CSNK1E: variants seen among roughly 807,000 people sequenced by gnomAD.
CSNK1E encodes casein kinase I isoform epsilon.
In CSNK1E, 17 loss-of-function variants were observed where a neutral mutation model predicts 46.1. The ratio of observed to expected loss-of-function variants is 0.37; its 90% CI spans 0.25 to 0.55. CSNK1E has a LOEUF of 0.55. Among genes scored for constraint, CSNK1E ranks in the 20% least tolerant of loss-of-function variants. CSNK1E has a pLI of 0.82. For synonymous variants in CSNK1E, 241 were observed against 242.6 expected (o/e 0.99, Z 0.06); for missense variants, 386 against 595.4 (o/e 0.65, Z 3.66).
chr22:38,308,510 G>A (rs1347148852), intron 2 of CSNK1E, among the ~76,000 whole-genome samples: 1 of 152,090 alleles, frequency 6.6e-6, no homozygotes, highest in Non-Finnish European at 1.5e-5. Flanking sequence ...GGGGTCGTCG[G>A]ACAAGGCACT....
intron 1 of CSNK1E, among the ~76,000 whole-genome samples, chr22:38,314,601 G>T (rs1227799896): frequency 6.6e-6 from 1 of 152,214 alleles, no homozygotes; most frequent in Non-Finnish European, 1.5e-5. Context: ...CTACTGGGGG[G>T]AAGGCAGAAA....
chr22:38,312,798 C>T (rs545850613), intron 2 of CSNK1E, among the ~76,000 whole-genome samples: 2 of 152,352 alleles, frequency 1.3e-5, no homozygotes, highest in South Asian at 4.1e-4. Context: ...AGAGGAGCTG[C>T]ATGACCTTCC....
upstream of CSNK1E, chr22:38,318,064 A>G (rs185068521): frequency 6.6e-6 from 1 of 152,184 alleles, no homozygotes; most frequent in African/African-American, 2.4e-5. Context: ...GGGCACAGAG[A>G]GGACCCCTCA....
intron 7 of CSNK1E, among the ~76,000 whole-genome samples, chr22:38,296,047 C>T (rs1420761793): frequency 6.6e-6 from 1 of 152,238 alleles, no homozygotes; most frequent in Non-Finnish European, 1.5e-5. Flanking sequence ...GTGACTCACT[C>T]CAAGGTGTGG....
chr22:38,310,782 C>T (rs1247469435), intron 2 of CSNK1E, among the ~76,000 whole-genome samples: 1 of 152,238 alleles, frequency 6.6e-6, no homozygotes, highest in Non-Finnish European at 1.5e-5. Flanking sequence ...AGTGTGCTGG[C>T]CCTCGGGTGA....
At chr22:38,296,681 C>T (rs766193328) in intron 7 of CSNK1E, 3 of 1,611,880 alleles carry the variant, frequency 1.9e-6, no homozygotes, top group Non-Finnish European at 2.5e-6. Context: ...GAGAGGTGCT[C>T]CTGGCCTGGT....
At position 38,302,916 on chromosome 22, in the gene CSNK1E, T is replaced by G; in HGVS notation, c.281A>C (p.Asn94Thr). The G allele has an allele frequency of 2.5e-6, 4 of 1,614,050 alleles. No individual in the cohort carries two copies. Among genetic ancestry groups the G allele is most frequent in the Non-Finnish European group, 3.4e-6 (4 of 1,179,980 alleles). Residue 94 changes from asparagine to threonine, a missense_variant, in exon 4 of 11, where the codon AAC (asparagine) becomes ACC (threonine). Coordinates refer to ENST00000396832, the MANE Select transcript of CSNK1E (RefSeq NM_152221.3). ...LLGPSLEDLFNFCSRKFSLKT... is the reference protein window; with the variant it reads ...LLGPSLEDLFTFCSRKFSLKT... ...GAGGCTGAATTTGCGGGAACAGAAG[T>G]TGAACAGGTCCTCGAGGCTAGGCCC...
At chr22:38,293,968 G>C in intron 9 of CSNK1E, 141 bp downstream of exon 9, 1 of 1,014,052 alleles carries the variant, frequency 9.9e-7, no homozygotes, top group East Asian at 2.6e-5. Flanking sequence ...ATGAGGCCAA[G>C]TCCTGGCTCT....
At chr22:38,299,235 G>A (rs573199042) in intron 6 of CSNK1E, among the ~76,000 whole-genome samples, 2 of 152,288 alleles carry the variant, frequency 1.3e-5, no homozygotes, top group Admixed American at 6.5e-5. Flanking sequence ...CGCTGCCCTC[G>A]CCAAGCACCC....
intron 10 of CSNK1E, chr22:38,292,464 TG>T (rs1322452153): frequency 2.0e-5 from 3 of 151,994 alleles, no homozygotes; most frequent in Non-Finnish European, 4.4e-5. Flanking sequence ...CAGCCCGCCA[TG>T]GACAGCTTGG....
In CSNK1E at chr22:38,294,399, G is replaced by T; in HGVS notation, c.1021C>A (p.Leu341Ile). 6.4e-7 allele frequency: 1 copy of T among 1,556,638 alleles called. No individual in the cohort carries two copies. Among genetic ancestry groups the T allele is most frequent in the African/African-American group, 1.4e-5 (1 of 73,716 alleles). The change falls in exon 8 of 11, where the codon CTC becomes ATC. Residue 341 changes from leucine to isoleucine, a missense_variant. Leu to Ile is a conservative substitution (Grantham distance 5). Coordinates refer to ENST00000396832, the MANE Select transcript of CSNK1E (RefSeq NM_152221.3). This position sits in a 1 kb window ranked among gnomAD's most constrained non-coding sequence, Gnocchi z 5.5. ...GCCACGGGCTCGGCGGCACTGCGGA[G>T]CCGGTTGGCAGTGGCCCCCGTGGGT... ...GPPTGATANR[L>I]RSAAEPVAST... is the part of the protein sequence containing the mutation.
At chr22:38,308,237 A>G (rs2092706684) in intron 2 of CSNK1E, among the ~76,000 whole-genome samples, 1 of 152,236 alleles carries the variant, frequency 6.6e-6, no homozygotes, top group Non-Finnish European at 1.5e-5. Flanking sequence ...TAATAAAAGA[A>G]AAAGAAAAAC....
At position 38,300,874 on chromosome 22, in the gene CSNK1E, C is replaced by G; in HGVS notation, c.415G>C (p.Gly139Arg). The G allele has an allele frequency of 6.2e-7, 1 of 1,614,218 alleles. No individual in the cohort carries two copies. Among genetic ancestry groups the G allele is most frequent in the Non-Finnish European group, 8.5e-7 (1 of 1,180,042 alleles). Residue 139 changes from glycine to arginine, a missense_variant, in exon 5 of 11, where the codon GGG becomes CGG. Gly to Arg is a moderately radical substitution (Grantham distance 125). Around this residue, in one of 2 missense-constraint regions of CSNK1E, gnomAD observed 212 missense variants for 410.2 expected, o/e 0.52. Transcript: ENST00000396832. This position sits in a 1 kb window ranked among gnomAD's most constrained non-coding sequence, Gnocchi z 4.4. ...ATGTAGACCAGGTTGCCCTTCTTCC[C>G]CAGCCCCATGAGGAAGTTGTCGGGC... Reference protein sequence around the residue: ...VKPDNFLMGLGKKGNLVYIID... With the variant: ...VKPDNFLMGLRKKGNLVYIID...
At position 38,298,645 on chromosome 22, in the gene CSNK1E, C is replaced by G; in HGVS notation, c.885+141G>C. ...GGATGAGGCTGGAGGGCTCTGGGAC[C>G]CCAGTGAGGTCAACCACACTGTCCA... On this transcript the variant is annotated intron_variant, in intron 7 of 10. Transcript: ENST00000396832. The surrounding 1 kb of genome is among the most constrained non-coding windows in gnomAD (Gnocchi z 4.2). 2 of 941,862 alleles carry G rather than the reference C, an allele frequency of 2.1e-6. No homozygotes were observed. Among genetic ancestry groups the G allele is most frequent in the Non-Finnish European group, 3.2e-6 (2 of 615,726 alleles). The allele number at this position is 941,862 out of a possible 1,614,324, so 58.3% of individuals were successfully genotyped here.
Position 38,303,939 on chromosome 22 carries a change from C to T in CSNK1E, c.77-691G>A, listed in dbSNP as rs991579957. On this transcript the variant is annotated intron_variant, in intron 2 of 10. Coordinates refer to ENST00000396832, the MANE Select transcript of CSNK1E (RefSeq NM_152221.3). This position sits in a 1 kb window ranked among gnomAD's most constrained non-coding sequence, Gnocchi z 4.7. ...CCTGCCTGCACCTCCCCGTCTCCCC[C>T]AGTCCACTCCTGGCTTCTCAAGGGG... Among the ~76,000 whole-genome samples the T allele has an allele frequency of 4.6e-5, 7 of 152,180 alleles. No individual in the cohort carries two copies. Among genetic ancestry groups the T allele is most frequent in the African/African-American group, 1.4e-4 (6 of 41,432 alleles).
chr22:38,317,483 A>G (rs573435779), upstream of CSNK1E: 2 of 128,894 alleles, frequency 1.6e-5, no homozygotes, highest in East Asian at 2.6e-4. Context: ...CCGCCCGCTG[A>G]TGTCATCCCC....
chr22:38,294,317 G>C lies in CSNK1E; in HGVS notation c.1078+25C>G. ...GAGCCCCCCACCCACCCTGAACCCA[G>C]CCCACTGCCTGAGTCCCTGCTCACC... On this transcript the variant is annotated intron_variant, in intron 8 of 10. Coordinates refer to ENST00000396832, the MANE Select transcript of CSNK1E (RefSeq NM_152221.3). The surrounding 1 kb of genome is among the most constrained non-coding windows in gnomAD (Gnocchi z 5.5). 6.4e-7 allele frequency: 1 copy of C among 1,566,938 alleles called. No individual in the cohort carries two copies. Among genetic ancestry groups the C allele is most frequent in the East Asian group, 2.3e-5 (1 of 43,542 alleles).
In CSNK1E at chr22:38,309,853, G is replaced by A. The variant is rs1465897624; in HGVS notation, c.76+4229C>T. 6.6e-6 allele frequency among the ~76,000 whole-genome samples: 1 copy of A among 152,172 alleles called. No homozygotes were observed. The highest frequency in any genetic ancestry group is 1.5e-5 in the Non-Finnish European group (1 of 68,034). ...CAGGGACAGGGACCCAAGCTGCTAG[G>A]CAAAGCCTCTGACCCCCGCAAGTGC... On this transcript the variant is annotated intron_variant, in intron 2 of 10. Transcript: ENST00000396832. The surrounding 1 kb of genome is among the most constrained non-coding windows in gnomAD (Gnocchi z 4.8).
intron 7 of CSNK1E, chr22:38,297,965 T>TG: frequency 8.8e-7 from 1 of 1,135,318 alleles, no homozygotes; most frequent in Middle Eastern, 3.1e-4. Context: ...CCGGCCTATC[T>TG]GGGGGGCTCT....
Sources: allele counts gnomAD v4.1 joint callset (sites outside exome capture counted in the v4.1 genomes callset), GRCh38; gene constraint gnomAD v4.1.1; regional missense constraint gnomAD v4.1.1; non-coding constraint Gnocchi (gnomAD v3.1); transcripts MANE v1.5; gene names NCBI Gene and HGNC (gene_info 2026-07-23, HGNC 2026-07-21).